The following CREB3L2 variants were observed in gnomAD, a reference collection of about 807,000 sequenced individuals.
CREB3L2 encodes the protein cyclic AMP-responsive element-binding protein 3-like protein 2.
In CREB3L2, 23 loss-of-function variants were observed where a neutral mutation model predicts 57.2. That is an observed-to-expected ratio of 0.40 (90% confidence interval 0.29 to 0.57). The LOEUF is 0.57. Among genes scored for constraint, CREB3L2 ranks in the 20% least tolerant of loss-of-function variants. The pLI, the probability that CREB3L2 is intolerant of heterozygous loss-of-function variation, is 0.42. For synonymous variants in CREB3L2, 268 were observed against 265.1 expected, an observed-to-expected ratio of 1.01 and a Z score of -0.11; for missense variants, 628 against 634.7, an observed-to-expected ratio of 0.99 and a Z score of 0.11.
chr7:137,893,596 C>T (rs1013562330), intron 8 of CREB3L2, among the ~76,000 whole-genome samples: 12 of 151,848 alleles, frequency 7.9e-5, no homozygotes, highest in African/African-American at 2.9e-4. Flanking sequence ...CAAACAGACA[C>T]AGCTGTGTGG....
intron 1 of CREB3L2, among the ~76,000 whole-genome samples, chr7:137,988,398 CTCATAT>C (rs762105375): frequency 6.6e-6 from 1 of 152,216 alleles, no homozygotes; most frequent in Non-Finnish European, 1.5e-5. Flanking sequence ...CTTCTGCAGG[CTCATAT>C]TCTTATTACA....
chr7:137,937,124 G>A (rs1466323234), intron 1 of CREB3L2, among the ~76,000 whole-genome samples: 1 of 152,154 alleles, frequency 6.6e-6, no homozygotes, highest in East Asian at 1.9e-4. Flanking sequence ...GCCAGTCTCT[G>A]GCTGAAAAGA....
At chr7:137,964,926 A>G (rs1005896697) in intron 1 of CREB3L2, among the ~76,000 whole-genome samples, 1 of 152,116 alleles carries the variant, frequency 6.6e-6, no homozygotes, top group Non-Finnish European at 1.5e-5. Context: ...GCTCTCAATT[A>G]TCTCGTCTGC....
chr7:137,978,643 G>A (rs1444034353), intron 1 of CREB3L2, among the ~76,000 whole-genome samples: 1 of 152,216 alleles, frequency 6.6e-6, no homozygotes, highest in Non-Finnish European at 1.5e-5. Context: ...TGGTCAGGCA[G>A]TGACACAGGG....
At chr7:137,969,340 C>CTTTTTTTTTT (rs71177936) in intron 1 of CREB3L2, among the ~76,000 whole-genome samples, 1 of 77,070 alleles carries the variant, frequency 1.3e-5, no homozygotes, top group Non-Finnish European at 2.4e-5. Context: ...TTATGATCTT[C>CTTTTTTTTTT]TTTTTTTTTT....
intron 1 of CREB3L2, among the ~76,000 whole-genome samples, chr7:137,972,693 A>ACAAAAC (rs1563270035): frequency 2.8e-5 from 1 of 36,196 alleles, no homozygotes; most frequent in African/African-American, 1.9e-4. Flanking sequence ...ACAAAAAAAA[A>ACAAAAC]AAAAAAAAAA....
Position 137,915,954 on chromosome 7 carries a change from C to A in CREB3L2, c.378G>T (p.Lys126Asn), listed in dbSNP as rs754422388. The part of the protein sequence containing the change: ...LSTDFPSTSI[K>N]TEPVTDEPPP... ...GTGGTTCGTCTGTAACTGGCTCTGT[C>A]TTGATGGATGTTGAAGGGAAGTCTG... Residue 126 changes from lysine to asparagine, a missense_variant, in exon 3 of 12, where the codon AAG (lysine) becomes AAT (asparagine). By Grantham distance (94) the Lys-to-Asn change is moderately conservative. Transcript: ENST00000330387. 6.2e-7 allele frequency: 1 copy of A among 1,614,042 alleles called. No homozygotes were observed. The highest frequency in any genetic ancestry group is 8.5e-7 in the Non-Finnish European group (1 of 1,179,982).
rs1019230243 is a variant in CREB3L2, at chr7:137,980,555, G to A, written c.102+21049C>T. Among the ~76,000 whole-genome samples, 3 of 152,220 alleles carry A rather than the reference G, an allele frequency of 2.0e-5. No homozygotes were observed. The highest frequency in any genetic ancestry group is 4.4e-5 in the Non-Finnish European group (3 of 68,040). Reference sequence around the variant, plus strand: ...CACAACCAGAGAAAGGGGAAGAGAAGACTTGCTGGTGCCCAGGGCTTACCC... The same window carrying A: ...CACAACCAGAGAAAGGGGAAGAGAAAACTTGCTGGTGCCCAGGGCTTACCC... On this transcript the variant is annotated intron_variant, in intron 1 of 11. Transcript: ENST00000330387. The surrounding 1 kb of genome is among the most constrained non-coding windows in gnomAD (Gnocchi z 4.3).
intron 1 of CREB3L2, among the ~76,000 whole-genome samples, chr7:137,939,910 A>G (rs76023258): frequency 4.5e-4 from 68 of 152,296 alleles, no homozygotes; most frequent in Admixed American, 2.0e-3. Context: ...ACCCTCCCAC[A>G]CTTAAGAGCC....
chr7:137,964,411 C>T (rs911835179), intron 1 of CREB3L2, among the ~76,000 whole-genome samples: 1 of 152,224 alleles, frequency 6.6e-6, no homozygotes, highest in African/African-American at 2.4e-5. Flanking sequence ...CTTGTCACTA[C>T]CAAATCAATC....
At chr7:137,929,627 C>T (rs1303612377) in intron 1 of CREB3L2, among the ~76,000 whole-genome samples, 2 of 151,448 alleles carry the variant, frequency 1.3e-5, no homozygotes, top group Non-Finnish European at 2.9e-5. Context: ...CTTTGGGAGG[C>T]CAAGGTGGGC....
At position 138,001,731 on chromosome 7, in the gene CREB3L2, G is replaced by A. The variant is rs1200384997; in HGVS notation, c.-26C>T. ...GGCGGTGCGGGCCGCGCTGGGCCGA[G>A]GATGCTAAGCGCAGGAGGGGACGCG... On this transcript the variant is annotated 5_prime_UTR_variant, in exon 1 of 12. Transcript: ENST00000330387. The surrounding 1 kb of genome is among the most constrained non-coding windows in gnomAD (Gnocchi z 4.2). 1.3e-6 allele frequency: 2 copies of A among 1,569,986 alleles called. No individual in the cohort carries two copies. The highest frequency in any genetic ancestry group is 1.7e-6 in the Non-Finnish European group (2 of 1,155,208).
intron 1 of CREB3L2, among the ~76,000 whole-genome samples, chr7:137,993,071 G>A (rs1353363406): frequency 6.6e-6 from 1 of 152,224 alleles, no homozygotes; most frequent in Non-Finnish European, 1.5e-5. Context: ...AGCTGGAGAG[G>A]AGAGGAAATA....
intron 8 of CREB3L2, among the ~76,000 whole-genome samples, chr7:137,892,155 T>C (rs990596885): frequency 5.9e-5 from 9 of 152,252 alleles, no homozygotes; most frequent in Middle Eastern, 3.4e-3. Flanking sequence ...TGGAGTCAAA[T>C]AGAATACACA....
chr7:137,887,635 G>A (rs918852948), intron 8 of CREB3L2, among the ~76,000 whole-genome samples: 1 of 152,116 alleles, frequency 6.6e-6, no homozygotes, highest in Non-Finnish European at 1.5e-5. Flanking sequence ...CTTGAACCCA[G>A]GAGGCAGAGG....
chr7:137,875,565 C>G lies in CREB3L2; in HGVS notation c.*4911G>C, dbSNP rs557179614. 1 of 223,992 alleles carries G rather than the reference C, an allele frequency of 4.5e-6. No homozygotes were observed. Among genetic ancestry groups the G allele is most frequent in the African/African-American group, 2.2e-5 (1 of 44,902 alleles). The allele number at this position is 223,992 out of a possible 1,614,324, so 13.9% of individuals were successfully genotyped here. ...TAGGAGATGGACACCTGGGGGACTGCTCCAGCACGAAGGGAAGCGATGAGC... is the reference window on the plus strand; with the variant it reads ...TAGGAGATGGACACCTGGGGGACTGGTCCAGCACGAAGGGAAGCGATGAGC... On this transcript the variant is annotated 3_prime_UTR_variant, in exon 12 of 12. Coordinates refer to ENST00000330387, the MANE Select transcript of CREB3L2 (RefSeq NM_194071.4).
At chr7:137,997,014 T>C (rs572364178) in intron 1 of CREB3L2, among the ~76,000 whole-genome samples, 18 of 152,344 alleles carry the variant, frequency 1.2e-4, no homozygotes, top group African/African-American at 4.3e-4. Flanking sequence ...TCTTGATGTT[T>C]ATCATGGGCA....
At chr7:137,990,342 C>G (rs1269914956) in intron 1 of CREB3L2, among the ~76,000 whole-genome samples, 1 of 152,210 alleles carries the variant, frequency 6.6e-6, no homozygotes, top group African/African-American at 2.4e-5. Context: ...TTCCCCAACT[C>G]TTCACCCCCT....
rs946782789 is a variant in CREB3L2 at position 137,882,444 on chromosome 7, C to T, written c.1455G>A (p.Glu485=). Residue 485 remains glutamate (E), a synonymous_variant, in exon 11 of 12, where the codon GAG becomes GAA. Transcript: ENST00000330387. ...HFIISNETSL[E]KSVLLELQQH... The stretch of plus-strand genomic sequence containing the variant: ...GCTGCAGCTCCAAAAGCACTGACTT[C>T]TCCAGGCTGGTCTCATTCGAGATAA... 3 of 1,614,024 alleles carry T rather than the reference C, an allele frequency of 1.9e-6. No homozygotes were observed. Among genetic ancestry groups the T allele is most frequent in the Non-Finnish European group, 2.5e-6 (3 of 1,179,904 alleles).
Sources: allele counts gnomAD v4.1 joint callset (sites outside exome capture counted in the v4.1 genomes callset), GRCh38; gene constraint gnomAD v4.1.1; non-coding constraint Gnocchi (gnomAD v3.1); transcripts MANE v1.5; gene names NCBI Gene and HGNC (gene_info 2026-07-23, HGNC 2026-07-21).